Variants in OLFML2B observed in about 807,000 individuals in gnomAD.
OLFML2B encodes the protein olfactomedin like 2B.
Under a neutral mutation model 74.9 loss-of-function variants are expected in OLFML2B, and 57 were observed. The observed-to-expected ratio is 0.76, with a 90% CI of 0.61 to 0.95. The LOEUF (loss-of-function observed/expected upper bound fraction) is 0.95, where lower values mean the gene tolerates loss of function less well. Among genes scored for constraint, OLFML2B ranks in the 40% least tolerant of loss-of-function variants. The pLI is 0.00. For missense variants in OLFML2B, 986 were observed against 970.6 expected (o/e 1.02, Z -0.21); for synonymous variants, 388 against 405.8 (o/e 0.96, Z 0.53).
At chr1:161,997,560 A>G (rs538698062) in intron 6 of OLFML2B, among the ~76,000 whole-genome samples, 6 of 152,388 alleles carry the variant, frequency 3.9e-5, no homozygotes, top group Non-Finnish European at 7.3e-5. Context: ...AAATATTTAT[A>G]AAACTAACTC....
chr1:161,997,971 A>G lies in OLFML2B; in HGVS notation c.1328T>C (p.Leu443Ser), dbSNP rs1689963204. The change falls in exon 6 of 8, where the codon TTG becomes TCG. Residue 443 changes from leucine to serine, a missense_variant. Leu to Ser is a moderately radical substitution (Grantham distance 145). Coordinates refer to ENST00000294794, the MANE Select transcript of OLFML2B (RefSeq NM_015441.3). ...APPAVSPREA[L>S]MEAMHTVPVP... ...TGGGACTGTGTGCATAGCTTCCATC[A>G]ATGCCTCCCTGGGAGACACTGCCGG... is the stretch of plus-strand genomic sequence containing the variant. 1.9e-6 allele frequency: 3 copies of G among 1,614,020 alleles called. No homozygotes were observed. The highest frequency in any genetic ancestry group is 1.7e-6 in the Non-Finnish European group (2 of 1,180,040).
rs1390247638 is a variant in OLFML2B at position 162,017,459 on chromosome 1, G to T, written c.487C>A (p.Leu163Ile). The T allele has an allele frequency of 6.2e-7, 1 of 1,613,452 alleles. No individual in the cohort carries two copies. The highest frequency in any genetic ancestry group is 1.1e-5 in the South Asian group (1 of 90,870). Residue 163 changes from leucine (L) to isoleucine (I), a missense_variant, in exon 3 of 8, where the codon CTC (leucine) becomes ATC (isoleucine). Leu to Ile is a conservative substitution (Grantham distance 5). Transcript: ENST00000294794. ...GTGGTGACTGAATGTAGCTTCAGGAGATCCAGGCCATAGAACGCTCCTTCC... is the reference window on the plus strand; with the variant it reads ...GTGGTGACTGAATGTAGCTTCAGGATATCCAGGCCATAGAACGCTCCTTCC... ...MLEGAFYGLD[L>I]LKLHSVTTKL... is the part of the protein sequence containing the mutation.
chr1:162,023,590 G>A lies in OLFML2B; in HGVS notation c.-160C>T, dbSNP rs995565026. The A allele has an allele frequency of 8.3e-6, 5 of 605,586 alleles. No homozygotes were observed. Among genetic ancestry groups the A allele is most frequent in the Non-Finnish European group, 1.3e-5 (5 of 390,352 alleles). 37.5% of individuals were successfully genotyped at this position (605,586 alleles called of 1,614,324 possible). A position where few individuals can be genotyped will look rare whatever the true frequency, so the allele number is the denominator to read the frequency against. On this transcript the variant is annotated 5_prime_UTR_variant, in exon 1 of 8. Transcript: ENST00000294794. ...GCGGCTGAGCGGGACGGGAGGGTGC[G>A]CCCCAGAGACTCTGGGCATCTCCTT... is the stretch of plus-strand genomic sequence containing the variant.
At chr1:161,999,116 TA>T (rs1461187046) in intron 5 of OLFML2B, among the ~76,000 whole-genome samples, 1 of 152,220 alleles carries the variant, frequency 6.6e-6, no homozygotes, top group Admixed American at 6.5e-5. Flanking sequence ...GTTCAGTTTT[TA>T]TTCTGAAAGA....
intron 6 of OLFML2B, among the ~76,000 whole-genome samples, chr1:161,994,848 C>G (rs1028732027): frequency 1.3e-5 from 2 of 152,124 alleles, no homozygotes; most frequent in East Asian, 3.9e-4. Context: ...TAGGGCATCA[C>G]AAAATCAGGA....
chr1:162,010,322 A>T (rs1427386250), intron 3 of OLFML2B, among the ~76,000 whole-genome samples: 1 of 152,168 alleles, frequency 6.6e-6, no homozygotes, highest in Non-Finnish European at 1.5e-5. Context: ...CCTGATGGGA[A>T]CAGGTGTCCA....
chr1:161,994,717 TC>T (rs1362568646), intron 6 of OLFML2B, among the ~76,000 whole-genome samples: 1 of 152,158 alleles, frequency 6.6e-6, no homozygotes, highest in Non-Finnish European at 1.5e-5. Flanking sequence ...CCTCTCCCTG[TC>T]CTAGAGCTAC....
At chr1:162,016,027 G>T (rs961213399) in intron 3 of OLFML2B, among the ~76,000 whole-genome samples, 1 of 152,220 alleles carries the variant, frequency 6.6e-6, no homozygotes, top group African/African-American at 2.4e-5. Flanking sequence ...CTAAGCCCAA[G>T]GGCGGGTGGA....
At chr1:162,003,418 C>G (rs577836261) in intron 4 of OLFML2B, among the ~76,000 whole-genome samples, 1 of 152,322 alleles carries the variant, frequency 6.6e-6, no homozygotes, top group East Asian at 1.9e-4. Context: ...ATTCCAGGCT[C>G]TCAGGGAAGG....
chr1:162,006,949 C>A (rs78339887), intron 3 of OLFML2B, among the ~76,000 whole-genome samples: 4,802 of 152,020 alleles, frequency 0.032, 237 homozygotes, highest in African/African-American at 0.11. Flanking sequence ...ACAACAACAA[C>A]AAAAAACTAC....
intron 1 of OLFML2B, among the ~76,000 whole-genome samples, chr1:162,020,832 G>A (rs569924374): frequency 1.6e-4 from 25 of 152,274 alleles, no homozygotes; most frequent in African/African-American, 5.8e-4. Context: ...AGGTTTAAGT[G>A]TAAAAAGGAA....
rs760880862 is a variant in OLFML2B at position 162,000,271 on chromosome 1, G to A, written c.791C>T (p.Thr264Met). 25 of 1,613,462 alleles carry A rather than the reference G, an allele frequency of 1.5e-5. No individual in the cohort carries two copies. The highest frequency in any genetic ancestry group is 6.7e-5 in the Admixed American group (4 of 60,010). ...CACCTCAGGCAGAGCCAGGGGTCGC[G>A]TCTGCAGAAGTTCGATGGAGTTGAT... ...QQINSIELLQTRPLALPEVVK... is the reference protein window; with the variant it reads ...QQINSIELLQMRPLALPEVVK... Residue 264 changes from threonine (T) to methionine (M), a missense_variant, in exon 5 of 8, where the codon ACG (threonine) becomes ATG (methionine). Thr to Met is a moderately conservative substitution (Grantham distance 81). Transcript: ENST00000294794.
At chr1:161,993,805 A>C (rs1481590323) in intron 6 of OLFML2B, among the ~76,000 whole-genome samples, 1 of 152,156 alleles carries the variant, frequency 6.6e-6, no homozygotes, top group Non-Finnish European at 1.5e-5. Flanking sequence ...CCCATGGCAG[A>C]AGTGATACGA....
At chr1:162,017,034 T>C (rs908426662) in intron 3 of OLFML2B, among the ~76,000 whole-genome samples, 4 of 152,132 alleles carry the variant, frequency 2.6e-5, no homozygotes, top group African/African-American at 7.2e-5. Context: ...TTAGGAACCA[T>C]ATACAAAGGA....
Position 162,019,984 on chromosome 1 carries a change from G to A in OLFML2B, c.373C>T (p.Leu125Phe), listed in dbSNP as rs1390771195. ...KCACVAPPSALNPCEGDFRLQ... is the reference protein window; with the variant it reads ...KCACVAPPSAFNPCEGDFRLQ... ...CTGAAGTCTCCCTCGCAGGGATTGA[G>A]GGCCGATGGGGGTGCTACACAGGCA... The change falls in exon 2 of 8, where the codon CTC becomes TTC. Residue 125 changes from leucine (L) to phenylalanine (F), a missense_variant. Leu to Phe is a conservative substitution (Grantham distance 22). Coordinates refer to ENST00000294794, the MANE Select transcript of OLFML2B (RefSeq NM_015441.3). The A allele has an allele frequency of 1.2e-6, 2 of 1,614,188 alleles. No homozygotes were observed. The highest frequency in any genetic ancestry group is 1.7e-6 in the Non-Finnish European group (2 of 1,180,016).
In OLFML2B at chr1:162,006,405, C is replaced by G; in HGVS notation, c.615G>C (p.Glu205Asp). The change falls in exon 4 of 8, where the codon GAG becomes GAC. Residue 205 changes from glutamate to aspartate, a missense_variant. Glu to Asp is a conservative substitution (Grantham distance 45). Coordinates refer to ENST00000294794, the MANE Select transcript of OLFML2B (RefSeq NM_015441.3). ...IKEDMEEIRT[E>D]MNKRGKENCS... ...AATTTTCTTTGCCTCGCTTATTCAT[C>G]TCGGTTCGAATTTCTTCCATGTCCT... 1 of 1,612,358 alleles carries G rather than the reference C, an allele frequency of 6.2e-7. No individual in the cohort carries two copies. Among genetic ancestry groups the G allele is most frequent in the Admixed American group, 1.7e-5 (1 of 59,670 alleles).
intron 2 of OLFML2B, among the ~76,000 whole-genome samples, chr1:162,018,651 G>C (rs1217219691): frequency 6.6e-6 from 1 of 152,190 alleles, no homozygotes; most frequent in Non-Finnish European, 1.5e-5. Context: ...AGGTGGCCGA[G>C]GCTCTGGCGG....
In OLFML2B at chr1:161,997,899, G is replaced by A. The variant is rs542868382; in HGVS notation, c.1400C>T (p.Pro467Leu). 9.6e-5 allele frequency: 155 copies of A among 1,614,236 alleles called. No homozygotes were observed. The South Asian group carries it at 1.6e-3, about 17-fold the overall frequency. Residue 467 changes from proline to leucine, a missense_variant, in exon 6 of 8, where the codon CCT becomes CTT. By Grantham distance (98) the Pro-to-Leu change is moderately conservative. Transcript: ENST00000294794. ...GGCAGGGGTTGTTCCCCACCCAGCA[G>A]GAGCATCTTTCCCCAGCGAGTCTGT... ...VRTDSLGKDA[P>L]AGWGTTPASP...
chr1:161,998,349 T>C lies in OLFML2B; in HGVS notation c.950A>G (p.Gln317Arg), dbSNP rs1220872043. ...ATTGTCACCGCTGAAAAACTCATCT[T>C]CTGTGAAACAAACACAAGGTTCACT... ...SEEENDIEEQ[Q>R]DEFFSGDNGV... Residue 317 changes from glutamine (Q) to arginine (R), a missense_variant and splice_region_variant, in exon 6 of 8, where the codon CAA becomes CGA. Transcript: ENST00000294794. 1 of 1,544,966 alleles carries C rather than the reference T, an allele frequency of 6.5e-7. No homozygotes were observed. Among genetic ancestry groups the C allele is most frequent in the Admixed American group, 1.9e-5 (1 of 52,428 alleles).
Sources: gnomAD v4.1 joint callset for allele counts (sites outside exome capture counted in the v4.1 genomes callset) on GRCh38, gnomAD v4.1.1 for gene constraint, MANE v1.5 for transcripts, NCBI Gene and HGNC (gene_info 2026-07-23, HGNC 2026-07-21) for gene names.